Variants in CNKSR3 observed in about 807,000 individuals in gnomAD.
The protein encoded by CNKSR3 is CNKSR family member 3, also known as connector enhancer of kinase suppressor of ras 3.
Under a neutral mutation model 67.7 loss-of-function variants are expected in CNKSR3, and 36 were observed. The ratio of observed to expected loss-of-function variants is 0.53; its 90% CI spans 0.41 to 0.70. The LOEUF (loss-of-function observed/expected upper bound fraction) is 0.70, where lower values mean the gene tolerates loss of function less well. Among genes scored for constraint, CNKSR3 ranks in the 30% least tolerant of loss-of-function variants. The probability of loss-of-function intolerance (pLI) is 0.00; values close to 1 mark genes in which losing one functional copy is unlikely to be tolerated. For missense variants in CNKSR3, 630 were observed against 695.2 expected, an observed-to-expected ratio of 0.91 and a Z score of 1.05; for synonymous variants, 281 against 271.4, an observed-to-expected ratio of 1.04 and a Z score of -0.35.
At position 154,392,788 on chromosome 6, in the gene CNKSR3, C is replaced by T. The variant is rs922891138; in HGVS notation, c.*13566G>A. ...CTTGCATTTGATGAGACTTCACTGC[C>T]CTAAGTCATGGGTCATTGCCAGTTT... On this transcript the variant is annotated 3_prime_UTR_variant, in exon 13 of 13. Coordinates refer to ENST00000607772, the MANE Select transcript of CNKSR3 (RefSeq NM_173515.4). The T allele has an allele frequency of 6.6e-6, 1 of 152,240 alleles. No individual in the cohort carries two copies. The highest frequency in any genetic ancestry group is 1.5e-5 in the Non-Finnish European group (1 of 68,064). The allele number at this position is 152,240 out of a possible 1,614,324, so 9.4% of individuals were successfully genotyped here. A position where few individuals can be genotyped will look rare whatever the true frequency, so the allele number is the denominator to read the frequency against.
chr6:154,451,526 C>T (rs1481820495), intron 1 of CNKSR3, among the ~76,000 whole-genome samples: 1 of 75,286 alleles, frequency 1.3e-5, no homozygotes, highest in Non-Finnish European at 2.5e-5. Flanking sequence ...CACACTCGTG[C>T]ACACACGCAC....
At position 154,391,605 on chromosome 6, in the gene CNKSR3, T is replaced by C. The variant is rs1046139468; in HGVS notation, c.*14749A>G. The C allele has an allele frequency of 6.6e-6, 1 of 152,258 alleles. No homozygotes were observed. Among genetic ancestry groups the C allele is most frequent in the Non-Finnish European group, 1.5e-5 (1 of 68,040 alleles). The allele number at this position is 152,258 out of a possible 1,614,324, so 9.4% of individuals were successfully genotyped here. On this transcript the variant is annotated 3_prime_UTR_variant, in exon 13 of 13. Transcript: ENST00000607772. The stretch of plus-strand genomic sequence containing the variant: ...AGGTACTGGGGTTAGGACTTCAATA[T>C]GTGAATTTGGAGAGAACGTAATTTA...
At chr6:154,438,280 C>G (rs1178222629) in intron 4 of CNKSR3, among the ~76,000 whole-genome samples, 1 of 151,932 alleles carries the variant, frequency 6.6e-6, no homozygotes, top group African/African-American at 2.4e-5. Context: ...TCTCTCTCCC[C>G]CTGCCAGAGT....
intron 1 of CNKSR3, among the ~76,000 whole-genome samples, chr6:154,508,972 C>T (rs1369227386): frequency 6.6e-6 from 1 of 152,196 alleles, no homozygotes; most frequent in African/African-American, 2.4e-5. Flanking sequence ...TATTACCTAC[C>T]TCACAGGCTT....
At chr6:154,450,057 ACGTC>A (rs1422123775) in intron 2 of CNKSR3, 34 bp downstream of exon 2, 4 of 1,581,356 alleles carry the variant, frequency 2.5e-6, no homozygotes, top group Non-Finnish European at 3.4e-6. Flanking sequence ...GCTCTAAAGA[ACGTC>A]ATCACGGTAC....
intron 4 of CNKSR3, 29 bp from the exon 5 acceptor site, chr6:154,433,536 C>T: frequency 1.3e-6 from 2 of 1,543,310 alleles, no homozygotes; most frequent in Non-Finnish European, 1.8e-6. Flanking sequence ...AAAATGAATA[C>T]TAAGTACAAG....
At chr6:154,509,967 T>C (rs1319934492) in intron 1 of CNKSR3, 96 bp downstream of exon 1, 4 of 1,382,922 alleles carry the variant, frequency 2.9e-6, no homozygotes, top group Non-Finnish European at 3.1e-6. Context: ...TCACCGCTTC[T>C]CGCCGGGAGG....
intron 2 of CNKSR3, 100 bp from the exon 3 acceptor site, chr6:154,442,390 AAGTG>A (rs1785614117): frequency 2.2e-6 from 2 of 922,514 alleles, no homozygotes; most frequent in Non-Finnish European, 3.4e-6. Flanking sequence ...TGGGAGGCTG[AAGTG>A]GGCGGATCAC....
Position 154,414,377 on chromosome 6 carries a change from T to G in CNKSR3, c.992A>C (p.Asp331Ala). Residue 331 changes from aspartate to alanine, a missense_variant, in exon 10 of 13, where the codon GAT (aspartate) becomes GCT (alanine). By Grantham distance (126) the Asp-to-Ala change is moderately radical. Transcript: ENST00000607772. Reference sequence around the variant, plus strand: ...TGACTTCTCCTTCTTCAGTGAGGTATCCATAGTGCTTTCAGGGGACTGGGT... The same window carrying G: ...TGACTTCTCCTTCTTCAGTGAGGTAGCCATAGTGCTTTCAGGGGACTGGGT... ...ATTQSPESTM[D>A]TSLKKEKSAI... 2 of 1,610,476 alleles carry G rather than the reference T, an allele frequency of 1.2e-6. No homozygotes were observed. Among genetic ancestry groups the G allele is most frequent in the Non-Finnish European group, 1.7e-6 (2 of 1,178,866 alleles).
At chr6:154,484,695 C>CAAAAAAAAAAAA in intron 1 of CNKSR3, among the ~76,000 whole-genome samples, 1 of 65,520 alleles carries the variant, frequency 1.5e-5, no homozygotes, top group Non-Finnish European at 3.4e-5. Context: ...GAGCAAGACT[C>CAAAAAAAAAAAA]AAAAAAAAAA....
At chr6:154,442,601 A>C (rs767739563) in intron 2 of CNKSR3, among the ~76,000 whole-genome samples, 4 of 152,106 alleles carry the variant, frequency 2.6e-5, no homozygotes, top group Non-Finnish European at 4.4e-5. Context: ...CAGCCTGGGC[A>C]ACAGAGGGAG....
chr6:154,425,135 G>A (rs2128714371), intron 7 of CNKSR3, among the ~76,000 whole-genome samples: 1 of 152,298 alleles, frequency 6.6e-6, no homozygotes, highest in Non-Finnish European at 1.5e-5. Context: ...GTCCCTGTGT[G>A]CCAGATGCTT....
intron 1 of CNKSR3, among the ~76,000 whole-genome samples, chr6:154,495,517 C>T (rs1389596289): frequency 2.0e-5 from 3 of 151,430 alleles, no homozygotes; most frequent in Non-Finnish European, 4.4e-5. Flanking sequence ...TATAGGTGTG[C>T]ACAACCACAC....
At chr6:154,494,755 C>CT (rs1274602341) in intron 1 of CNKSR3, among the ~76,000 whole-genome samples, 2 of 152,144 alleles carry the variant, frequency 1.3e-5, no homozygotes, top group Non-Finnish European at 2.9e-5. Flanking sequence ...ACCCCCGTTC[C>CT]TCCCCTGTCA....
intron 1 of CNKSR3, among the ~76,000 whole-genome samples, chr6:154,467,374 C>G (rs1008892358): frequency 6.6e-6 from 1 of 152,302 alleles, no homozygotes; most frequent in East Asian, 1.9e-4. Flanking sequence ...CCAGGACATA[C>G]ATCAACTAGA....
intron 10 of CNKSR3, among the ~76,000 whole-genome samples, chr6:154,413,989 T>G: frequency 6.6e-6 from 1 of 152,108 alleles, no homozygotes; most frequent in East Asian, 1.9e-4. Context: ...GCTCAAGTGA[T>G]CTGCCCGCCT....
rs1225320669 is a variant in CNKSR3 at position 154,398,280 on chromosome 6, T to C, written c.*8074A>G. The C allele has an allele frequency of 6.6e-6, 1 of 152,226 alleles. No homozygotes were observed. Among genetic ancestry groups the C allele is most frequent in the African/African-American group, 2.4e-5 (1 of 41,450 alleles). 9.4% of individuals were successfully genotyped at this position (152,226 alleles called of 1,614,324 possible). ...CATCAGTGTTAGCCAAGTGTCTGAGTGGTCTGGGTGTCACATCTGTGTGTG... is the reference window on the plus strand; with the variant it reads ...CATCAGTGTTAGCCAAGTGTCTGAGCGGTCTGGGTGTCACATCTGTGTGTG... On this transcript the variant is annotated 3_prime_UTR_variant, in exon 13 of 13. Transcript: ENST00000607772.
Position 154,388,283 on chromosome 6 carries a change from T to C in CNKSR3, c.*18071A>G, listed in dbSNP as rs1273051863. 2 of 152,258 alleles carry C rather than the reference T, an allele frequency of 1.3e-5. No individual in the cohort carries two copies. Among genetic ancestry groups the C allele is most frequent in the African/African-American group, 4.8e-5 (2 of 41,468 alleles). 9.4% of individuals were successfully genotyped at this position (152,258 alleles called of 1,614,324 possible). ...GCCATATTAGTCTTTCTGTTAATAG[T>C]TTATTTCACTTAGCGTAATGTCCTT... On this transcript the variant is annotated 3_prime_UTR_variant, in exon 13 of 13. Transcript: ENST00000607772.
chr6:154,413,778 C>T (rs62432692), intron 10 of CNKSR3, among the ~76,000 whole-genome samples: 19,322 of 151,942 alleles, frequency 0.13, 1,755 homozygotes, highest in African/African-American at 0.25. Context: ...GACAGGGTCT[C>T]GCTCTGTCAC....
Sources: allele counts gnomAD v4.1 joint callset (sites outside exome capture counted in the v4.1 genomes callset), GRCh38; gene constraint gnomAD v4.1.1; transcripts MANE v1.5; gene names NCBI Gene and HGNC (gene_info 2026-07-23, HGNC 2026-07-21).